SV2C: variants seen among roughly 807,000 people sequenced by gnomAD.
The protein encoded by SV2C is solute carrier family 22 member B3.
A neutral mutation model predicts 79.7 loss-of-function variants in SV2C; 49 were observed. The observed-to-expected ratio is 0.61, with a 90% confidence interval of 0.49 to 0.78. SV2C has a LOEUF of 0.78. SV2C is among the 30% of genes least tolerant of loss of function. SV2C has a pLI of 0.00. For synonymous variants in SV2C, 334 were observed against 333.2 expected (o/e 1.00, Z -0.03); for missense variants, 833 against 912.9 (o/e 0.91, Z 1.13).
intron 4 of SV2C, among the ~76,000 whole-genome samples, chr5:76,241,669 G>A (rs1052318887): frequency 6.6e-6 from 1 of 151,022 alleles, no homozygotes; most frequent in Non-Finnish European, 1.5e-5. Flanking sequence ...GAGGGAAAGG[G>A]AGACGAGGAC....
In SV2C at chr5:76,170,784, G is replaced by A. The variant is rs180721066; in HGVS notation, c.581-24135G>A. 320 of 230,158 alleles carry A rather than the reference G, an allele frequency of 1.4e-3. 6 individuals are homozygous for A. Among genetic ancestry groups the A allele is most frequent in the African/African-American group, 7.3e-3 (309 of 42,388 alleles). 14.3% of individuals were successfully genotyped at this position (230,158 alleles called of 1,614,324 possible). A position where few individuals can be genotyped will look rare whatever the true frequency, so the allele number is the denominator to read the frequency against. On this transcript the variant is annotated intron_variant, in intron 2 of 12. Coordinates refer to ENST00000502798, the MANE Select transcript of SV2C (RefSeq NM_014979.4). ...ATTAAAAAAACTGAGAAGGCTCGAA[G>A]GCGCCGCGGGCTGGGGTCGGTGGCT...
intron 1 of SV2C, among the ~76,000 whole-genome samples, chr5:76,112,709 A>G (rs1210872730): frequency 6.6e-6 from 1 of 152,226 alleles, no homozygotes; most frequent in African/African-American, 2.4e-5. Context: ...GAAAGTGACA[A>G]GTGTTTCCTC....
At chr5:76,197,444 A>G (rs928003417) in intron 3 of SV2C, among the ~76,000 whole-genome samples, 1 of 152,134 alleles carries the variant, frequency 6.6e-6, no homozygotes, top group Non-Finnish European at 1.5e-5. Context: ...AAAACATGGC[A>G]AGTAAAATCA....
upstream of SV2C, among the ~76,000 whole-genome samples, chr5:76,081,280 A>G (rs1009977482): frequency 2.0e-5 from 3 of 152,232 alleles, no homozygotes; most frequent in African/African-American, 7.2e-5. Flanking sequence ...TCACTTGGAG[A>G]AACAATCCAT....
At chr5:76,133,361 T>C (rs1460606273) in intron 2 of SV2C, among the ~76,000 whole-genome samples, 1 of 152,218 alleles carries the variant, frequency 6.6e-6, no homozygotes, top group Non-Finnish European at 1.5e-5. Context: ...AAAACAAAAG[T>C]ATACAATTCT....
chr5:76,093,306 G>A (rs769579574), intron 1 of SV2C, among the ~76,000 whole-genome samples: 5 of 152,222 alleles, frequency 3.3e-5, no homozygotes, highest in African/African-American at 4.8e-5. Context: ...TGTTCCCTGC[G>A]CAAGGTCTGA....
chr5:76,031,847 T>A, the SV2C span, among the ~76,000 whole-genome samples: 208 of 152,326 alleles, frequency 1.4e-3, 1 homozygote, highest in African/African-American at 4.5e-3. Flanking sequence ...TTTAAGAGTT[T>A]AGCAACTTGT....
At chr5:76,163,335 A>G (rs546287673) in intron 2 of SV2C, among the ~76,000 whole-genome samples, 6 of 152,334 alleles carry the variant, frequency 3.9e-5, no homozygotes, top group Non-Finnish European at 7.3e-5. Context: ...CACAGTTATT[A>G]CTCAAGAAAT....
chr5:75,883,008 A>G, the SV2C span, among the ~76,000 whole-genome samples: 1 of 147,792 alleles, frequency 6.8e-6, no homozygotes, highest in South Asian at 2.2e-4. Context: ...AAAACAAACA[A>G]CCCCATCAAA....
intron 12 of SV2C, among the ~76,000 whole-genome samples, chr5:76,319,826 T>C (rs1748767773): frequency 6.6e-6 from 1 of 152,210 alleles, no homozygotes. Flanking sequence ...TTAACCTAGA[T>C]GCAAATCCTA....
chr5:75,873,967 A>T, the SV2C span, among the ~76,000 whole-genome samples: 1 of 152,176 alleles, frequency 6.6e-6, no homozygotes, highest in Non-Finnish European at 1.5e-5. Context: ...GCCGAATTCT[A>T]CCAGACATAC....
At chr5:76,150,327 G>C (rs1004230619) in intron 2 of SV2C, among the ~76,000 whole-genome samples, 3 of 151,582 alleles carry the variant, frequency 2.0e-5, no homozygotes, top group African/African-American at 7.3e-5. Flanking sequence ...ACAGGTGTGT[G>C]CCACCACGCC....
intron 4 of SV2C, among the ~76,000 whole-genome samples, chr5:76,232,132 A>G (rs1745440717): frequency 6.7e-6 from 1 of 149,704 alleles, no homozygotes; most frequent in African/African-American, 2.6e-5. Flanking sequence ...TTGCCATTCT[A>G]ACTGGTGTGA....
chr5:76,102,441 A>G (rs138480734), intron 1 of SV2C, among the ~76,000 whole-genome samples: 177 of 152,192 alleles, frequency 1.2e-3, no homozygotes, highest in African/African-American at 4.1e-3. Flanking sequence ...GCACCCTCCC[A>G]GTGGGTTGTG....
the SV2C span, among the ~76,000 whole-genome samples, chr5:75,930,893 G>A: frequency 6.6e-6 from 1 of 152,170 alleles, no homozygotes; most frequent in East Asian, 1.9e-4. Flanking sequence ...TAGCACTTTG[G>A]GAGGCTGAAG....
rs1434357957 is a variant in SV2C at position 76,171,030 on chromosome 5, C to G, written c.581-23889C>G. Reference sequence around the variant, plus strand: ...GCGGAGCTGTCTCAGTCTTTGCCGCCGCGCCGGCGAGCGCCGCCCGGGAGG... The same window carrying G: ...GCGGAGCTGTCTCAGTCTTTGCCGCGGCGCCGGCGAGCGCCGCCCGGGAGG... On this transcript the variant is annotated intron_variant, in intron 2 of 12. Transcript: ENST00000502798. 37 of 168,056 alleles carry G rather than the reference C, an allele frequency of 2.2e-4. No homozygotes were observed. In the South Asian group the frequency reaches 5.2e-3, roughly 23 times the overall value. 10.4% of individuals were successfully genotyped at this position (168,056 alleles called of 1,614,324 possible).
chr5:76,266,602 A>C (rs542557365), intron 4 of SV2C, among the ~76,000 whole-genome samples: 130 of 152,310 alleles, frequency 8.5e-4, no homozygotes, highest in Non-Finnish European at 1.6e-3. Flanking sequence ...AGCTCCCTAG[A>C]ATAGGCAAAT....
chr5:76,120,425 G>C (rs1440397429), intron 1 of SV2C, among the ~76,000 whole-genome samples: 2 of 148,358 alleles, frequency 1.3e-5, no homozygotes, highest in Admixed American at 6.7e-5. Context: ...GTGCAGGTTA[G>C]TTACATATGT....
chr5:76,334,414 A>T (rs1049128644), downstream of SV2C, among the ~76,000 whole-genome samples: 9 of 152,218 alleles, frequency 5.9e-5, 1 homozygote, highest in Admixed American at 5.2e-4. Context: ...AACAGAAGAC[A>T]CAAGTCTTCT....
Sources: allele counts gnomAD v4.1 joint callset (sites outside exome capture counted in the v4.1 genomes callset), GRCh38; gene constraint gnomAD v4.1.1; transcripts MANE v1.5; gene names NCBI Gene and HGNC (gene_info 2026-07-23, HGNC 2026-07-21).